RNF8: variants seen among roughly 807,000 people sequenced by gnomAD.
RNF8 encodes ring finger protein 8.
A neutral mutation model predicts 59.3 loss-of-function variants in RNF8; 8 were observed. The ratio of observed to expected loss-of-function variants is 0.13; its 90% CI spans 0.08 to 0.24. The LOEUF is 0.24. RNF8 is among the 10% of genes least tolerant of loss of function. The pLI, the probability that RNF8 is intolerant of heterozygous loss-of-function variation, is 1.00. For missense variants in RNF8, 406 were observed against 572.6 expected (o/e 0.71, Z 2.97); for synonymous variants, 162 against 200.0 (o/e 0.81, Z 1.60).
intron 6 of RNF8, among the ~76,000 whole-genome samples, chr6:37,379,690 T>C (rs968802581): frequency 6.6e-6 from 1 of 152,228 alleles, no homozygotes; most frequent in East Asian, 1.9e-4. Flanking sequence ...TTTTTACTTT[T>C]TTAGTTTCTT....
Position 37,354,163 on chromosome 6 carries a change from C to T in RNF8, c.-2C>T. 1 of 1,571,360 alleles carries T rather than the reference C, an allele frequency of 6.4e-7. No homozygotes were observed. The highest frequency in any genetic ancestry group is 8.6e-7 in the Non-Finnish European group (1 of 1,159,002). On this transcript the variant is annotated 5_prime_UTR_variant, in exon 1 of 8. Coordinates refer to ENST00000373479, the MANE Select transcript of RNF8 (RefSeq NM_003958.4). Reference sequence around the variant, plus strand: ...CTGACCGCCCCCGGGGTCGAGTAGGCGATGGGGGAGCCCGGCTTCTTCGTC... The same window carrying T: ...CTGACCGCCCCCGGGGTCGAGTAGGTGATGGGGGAGCCCGGCTTCTTCGTC...
chr6:37,365,592 C>A (rs961585185), intron 2 of RNF8, among the ~76,000 whole-genome samples: 1 of 152,154 alleles, frequency 6.6e-6, no homozygotes, highest in Non-Finnish European at 1.5e-5. Context: ...GTTTGAGTGT[C>A]CACTTTCCTC....
chr6:37,364,780 T>C (rs555480399), intron 2 of RNF8, among the ~76,000 whole-genome samples: 2 of 152,308 alleles, frequency 1.3e-5, no homozygotes, highest in Non-Finnish European at 1.5e-5. Flanking sequence ...TTTTTGTTTT[T>C]ATATTTTGAG....
chr6:37,363,524 A>G (rs1020524662), intron 2 of RNF8, among the ~76,000 whole-genome samples: 1 of 152,234 alleles, frequency 6.6e-6, no homozygotes, highest in Non-Finnish European at 1.5e-5. Flanking sequence ...GTTCAACCTC[A>G]TTAATAATCT....
At chr6:37,382,705 C>T (rs1770324130) in intron 7 of RNF8, among the ~76,000 whole-genome samples, 1 of 152,148 alleles carries the variant, frequency 6.6e-6, no homozygotes, top group Admixed American at 6.5e-5. Flanking sequence ...AAAGGCTGGG[C>T]ACGGTGGCTC....
chr6:37,373,552 G>A (rs570334165), intron 4 of RNF8, among the ~76,000 whole-genome samples: 70 of 152,198 alleles, frequency 4.6e-4, no homozygotes, highest in African/African-American at 7.5e-4. Flanking sequence ...AACCATAGGC[G>A]CGCGCCACAA....
intron 5 of RNF8, among the ~76,000 whole-genome samples, chr6:37,374,960 A>G (rs538802486): frequency 1.3e-5 from 2 of 152,356 alleles, no homozygotes; most frequent in South Asian, 2.1e-4. Context: ...TCCTTTGTCT[A>G]TGGTGGGTAC....
At chr6:37,377,638 G>T (rs1419790827) in intron 6 of RNF8, among the ~76,000 whole-genome samples, 1 of 152,146 alleles carries the variant, frequency 6.6e-6, no homozygotes, top group East Asian at 1.9e-4. Flanking sequence ...TCTCTTTGTT[G>T]TTGAGGAGAA....
chr6:37,372,314 C>T (rs1245133659), intron 4 of RNF8, among the ~76,000 whole-genome samples: 5 of 152,216 alleles, frequency 3.3e-5, no homozygotes, highest in Non-Finnish European at 7.3e-5. Flanking sequence ...CGTAAACCTA[C>T]TTCCCAACCT....
intron 6 of RNF8, among the ~76,000 whole-genome samples, chr6:37,379,906 G>T (rs1770182375): frequency 1.3e-5 from 2 of 151,992 alleles, no homozygotes; most frequent in South Asian, 2.1e-4. Flanking sequence ...TTTATTGTTT[G>T]TTTTTGTTTG....
At chr6:37,388,243 G>C (rs1198071304) in intron 7 of RNF8, among the ~76,000 whole-genome samples, 1 of 152,206 alleles carries the variant, frequency 6.6e-6, no homozygotes, top group Non-Finnish European at 1.5e-5. Context: ...CTGATGTGCT[G>C]TGGGGACTGC....
At chr6:37,381,942 T>A (rs1770283170) in intron 7 of RNF8, among the ~76,000 whole-genome samples, 1 of 152,182 alleles carries the variant, frequency 6.6e-6, no homozygotes, top group Non-Finnish European at 1.5e-5. Context: ...AAGCTGGTTC[T>A]TTGGAACTGA....
intron 2 of RNF8, among the ~76,000 whole-genome samples, chr6:37,362,712 G>A (rs1769375928): frequency 6.6e-6 from 1 of 152,188 alleles, no homozygotes; most frequent in African/African-American, 2.4e-5. Flanking sequence ...CTGTGGTTGT[G>A]TTTGAAGTCA....
intron 7 of RNF8, among the ~76,000 whole-genome samples, chr6:37,386,387 TAG>T (rs1397942211): frequency 1.4e-4 from 22 of 152,316 alleles, no homozygotes; most frequent in Middle Eastern, 3.4e-3. Context: ...TGCTCTGTGG[TAG>T]AGTGTCTTCT....
intron 4 of RNF8, among the ~76,000 whole-genome samples, chr6:37,372,275 A>C (rs767200382): frequency 5.9e-5 from 9 of 152,152 alleles, no homozygotes; most frequent in Non-Finnish European, 1.3e-4. Flanking sequence ...ATCACATAGG[A>C]ATTTGTTCAG....
intron 7 of RNF8, among the ~76,000 whole-genome samples, chr6:37,387,575 C>T (rs1189971732): frequency 6.6e-6 from 1 of 152,060 alleles, no homozygotes; most frequent in Non-Finnish European, 1.5e-5. Context: ...CTCCTGGGCT[C>T]ATAGGATCAG....
At chr6:37,355,025 C>CAGGT (rs2113811170) in intron 1 of RNF8, among the ~76,000 whole-genome samples, 1 of 152,118 alleles carries the variant, frequency 6.6e-6, no homozygotes, top group East Asian at 1.9e-4. Flanking sequence ...GTGGGTCGGG[C>CAGGT]AGGTATTCAG....
rs2113838544 is a variant in RNF8, at chr6:37,392,253, C to A, written c.*1495C>A. Reference sequence around the variant, plus strand: ...CCTTGATTTAATAACTTCTTGTTTCCCCATACATGTGTTTTGTTTATAGAT... The same window carrying A: ...CCTTGATTTAATAACTTCTTGTTTCACCATACATGTGTTTTGTTTATAGAT... On this transcript the variant is annotated 3_prime_UTR_variant, in exon 8 of 8. Coordinates refer to ENST00000373479, the MANE Select transcript of RNF8 (RefSeq NM_003958.4). The A allele has an allele frequency of 2.6e-6, 1 of 392,122 alleles. No homozygotes were observed. The highest frequency in any genetic ancestry group is 4.5e-6 in the Non-Finnish European group (1 of 222,506). 24.3% of individuals were successfully genotyped at this position (392,122 alleles called of 1,614,324 possible).
Position 37,392,892 on chromosome 6 carries a change from A to C in RNF8, c.*2134A>C. ...TGGTCTTGAAATTCTGGGCTAAAGC[A>C]ATCCTACCACCTTGGCCTCCCAAAG... is the stretch of plus-strand genomic sequence containing the variant. On this transcript the variant is annotated 3_prime_UTR_variant, in exon 8 of 8. Transcript: ENST00000373479. The C allele has an allele frequency of 3.1e-6, 1 of 327,796 alleles. No individual in the cohort carries two copies. The allele number at this position is 327,796 out of a possible 1,614,324, so 20.3% of individuals were successfully genotyped here.
Sources: gnomAD v4.1 joint callset for allele counts (sites outside exome capture counted in the v4.1 genomes callset) on GRCh38, gnomAD v4.1.1 for gene constraint, MANE v1.5 for transcripts, NCBI Gene and HGNC (gene_info 2026-07-23, HGNC 2026-07-21) for gene names.